Variants in PIEZO1 observed in about 807,000 individuals in gnomAD.
PIEZO1 encodes the protein piezo-type mechanosensitive ion channel component 1.
PIEZO1 carries 296 observed loss-of-function variants against 297.2 expected under a neutral mutation model. That is an observed-to-expected ratio of 1.00 (90% CI 0.91 to 1.10). PIEZO1 has a LOEUF of 1.10. Among genes scored for constraint, PIEZO1 ranks in the 50% least tolerant of loss-of-function variants. PIEZO1 has a pLI of 0.00. For missense variants in PIEZO1, 5,018 were observed against 3,455.5 expected (o/e 1.45, Z -11.34); for synonymous variants, 2,427 against 1,507.5 (o/e 1.61, Z -14.13).
At chr16:88,735,284 C>G in intron 12 of PIEZO1, 38 bp from the exon 13 acceptor site, 2 of 1,410,724 alleles carry the variant, frequency 1.4e-6, no homozygotes, top group Non-Finnish European at 2.0e-6. Flanking sequence ...AGCCGGGGGG[C>G]CCAGCACCCC....
In PIEZO1 at chr16:88,717,107, G is replaced by T. The variant is rs139674798; in HGVS notation, c.6576C>A (p.Leu2192=). 224 of 1,551,398 alleles carry T rather than the reference G, an allele frequency of 1.4e-4. 1 individual carries two copies. The East Asian group carries it at 5.5e-3, about 38-fold the overall frequency. Residue 2192 remains leucine, a synonymous_variant, in exon 45 of 51, where the codon CTC becomes CTA. Coordinates refer to ENST00000301015, the MANE Select transcript of PIEZO1 (RefSeq NM_001142864.4). Reference sequence around the variant, plus strand: ...CCACGGAGCGCACCAGCGACATGAAGAGCAGTGGGAACCAGATGATGGCGA... The same window carrying T: ...CCACGGAGCGCACCAGCGACATGAATAGCAGTGGGAACCAGATGATGGCGA... ...FLIAIIWFPL[L]FMSLVRSVVG...
Position 88,733,644 on chromosome 16 carries a change from C to G in PIEZO1, c.2431G>C (p.Glu811Gln). 2.6e-6 allele frequency: 4 copies of G among 1,549,740 alleles called. No individual in the cohort carries two copies. The highest frequency in any genetic ancestry group is 3.5e-6 in the Non-Finnish European group (4 of 1,146,548). ...GCCACCAGCTTGAAAACGTGAAGCTCCAGCAGCCGCCGCAGGAACACCTGC... is the reference window on the plus strand; with the variant it reads ...GCCACCAGCTTGAAAACGTGAAGCTGCAGCAGCCGCCGCAGGAACACCTGC... ...RVQVFLRRLL[E>Q]LHVFKLVALY... Residue 811 changes from glutamate to glutamine, a missense_variant, in exon 18 of 51, where the codon GAG becomes CAG. Glu to Gln is a conservative substitution (Grantham distance 29). Transcript: ENST00000301015.
At position 88,736,857 on chromosome 16, in the gene PIEZO1, G is replaced by A. The variant is rs897158170; in HGVS notation, c.1196-118C>T. ...ACAGCAGGAGAGACAGGCCCCCGGT[G>A]GGCTATGGGCAGAACACGAGGGCTC... On this transcript the variant is annotated intron_variant, in intron 10 of 50. Coordinates refer to ENST00000301015, the MANE Select transcript of PIEZO1 (RefSeq NM_001142864.4). The A allele has an allele frequency of 1.4e-4, 87 of 615,624 alleles. No individual in the cohort carries two copies. In the African/African-American group the frequency reaches 1.6e-3, roughly 12 times the overall value. 38.1% of individuals were successfully genotyped at this position (615,624 alleles called of 1,614,324 possible). A position where few individuals can be genotyped will look rare whatever the true frequency, so the allele number is the denominator to read the frequency against.
At chr16:88,736,457 C>G (rs546574524) in intron 11 of PIEZO1, 49 bp from the exon 12 acceptor site, 1 of 1,428,988 alleles carries the variant, frequency 7.0e-7, no homozygotes, top group Non-Finnish European at 9.5e-7. Flanking sequence ...CCCACCCAGG[C>G]GATGCCCCAC....
chr16:88,783,203 G>A (rs895571582), intron 1 of PIEZO1, among the ~76,000 whole-genome samples: 3 of 152,108 alleles, frequency 2.0e-5, no homozygotes, highest in African/African-American at 7.2e-5. Context: ...GATAGCAATC[G>A]AGAAGGCAGA....
At chr16:88,739,911 G>A (rs1257591586) in intron 5 of PIEZO1, 1 of 152,460 alleles carries the variant, frequency 6.6e-6, no homozygotes, top group African/African-American at 2.4e-5. Context: ...GCATTTCTGG[G>A]AGTGGAAAGA....
intron 29 of PIEZO1, 42 bp from the exon 30 acceptor site, chr16:88,725,122 C>T: frequency 7.2e-7 from 1 of 1,391,046 alleles, no homozygotes; most frequent in South Asian, 1.4e-5. Flanking sequence ...AGTCAAGCCA[C>T]CAGGAGGGGT....
chr16:88,722,734 C>T (rs1388922417), intron 34 of PIEZO1, 45 bp from the exon 35 acceptor site: 2 of 1,530,814 alleles, frequency 1.3e-6, no homozygotes, highest in South Asian at 1.2e-5. Flanking sequence ...CAGCTCTTGT[C>T]CCCACACGGG....
rs528711129 is a variant in PIEZO1 at position 88,767,754 on chromosome 16, C to A, written c.64+17147G>T. On this transcript the variant is annotated intron_variant, in intron 1 of 50. Coordinates refer to ENST00000301015, the MANE Select transcript of PIEZO1 (RefSeq NM_001142864.4). The stretch of plus-strand genomic sequence containing the variant: ...GAGGGGCAGAGCCAAGCCAGAACAT[C>A]TCCGCTGAGCCTTCTGCCTCAGGGT... Among the ~76,000 whole-genome samples, 6 of 152,314 alleles carry A rather than the reference C, an allele frequency of 3.9e-5. No individual in the cohort carries two copies. The East Asian group carries it at 9.6e-4, about 24-fold the overall frequency.
intron 27 of PIEZO1, chr16:88,726,009 G>A (rs1433042937): frequency 7.0e-6 from 4 of 568,588 alleles, no homozygotes; most frequent in South Asian, 6.6e-5. Flanking sequence ...CGCTGGTGGA[G>A]AAACTTAGCC....
chr16:88,747,640 A>G (rs1198974899), intron 2 of PIEZO1, among the ~76,000 whole-genome samples: 1 of 152,222 alleles, frequency 6.6e-6, no homozygotes, highest in Non-Finnish European at 1.5e-5. Context: ...AGCTGGCAGA[A>G]CGATGGACCC....
chr16:88,738,745 G>A lies in PIEZO1; in HGVS notation c.466-9C>T. On this transcript the variant is annotated splice_polypyrimidine_tract_variant and intron_variant, in intron 5 of 50. Transcript: ENST00000301015. ...TCCCTCTCATCATCATCCTGCCAAG[G>A]TCACGGACAGGGGCAAGGTCAGGTG... The A allele has an allele frequency of 6.6e-7, 1 of 1,524,956 alleles. No individual in the cohort carries two copies. Among genetic ancestry groups the A allele is most frequent in the Non-Finnish European group, 8.8e-7 (1 of 1,138,292 alleles). 94.5% of individuals were successfully genotyped at this position (1,524,956 alleles called of 1,614,324 possible). A position where few individuals can be genotyped will look rare whatever the true frequency, so the allele number is the denominator to read the frequency against.
At position 88,720,111 on chromosome 16, in the gene PIEZO1, A is replaced by G; in HGVS notation, c.6122T>C (p.Ile2041Thr). The G allele has an allele frequency of 1.3e-6, 2 of 1,550,378 alleles. No homozygotes were observed. The highest frequency in any genetic ancestry group is 8.7e-7 in the Non-Finnish European group (1 of 1,146,994). The change falls in exon 42 of 51, where the codon ATC (isoleucine) becomes ACC (threonine). Residue 2041 changes from isoleucine to threonine, a missense_variant. Physicochemically the swap from Ile to Thr is moderately conservative, Grantham distance 89. Transcript: ENST00000301015. Reference sequence around the variant, plus strand: ...CAGGATGAAGAACATCCATAGGTGGATGGCCAGCACCAGCGCCACCTGGAA... The same window carrying G: ...CAGGATGAAGAACATCCATAGGTGGGTGGCCAGCACCAGCGCCACCTGGAA... ...LAFQVALVLA[I>T]HLWMFFILPA...
rs1357808025 is a variant in PIEZO1 at position 88,716,124 on chromosome 16, G to T, written c.7130-5C>A. 3 of 1,539,826 alleles carry T rather than the reference G, an allele frequency of 1.9e-6. No homozygotes were observed. Among genetic ancestry groups the T allele is most frequent in the Admixed American group, 4.0e-5 (2 of 50,496 alleles). On this transcript the variant is annotated splice_polypyrimidine_tract_variant and splice_region_variant and intron_variant, in intron 49 of 50. Coordinates refer to ENST00000301015, the MANE Select transcript of PIEZO1 (RefSeq NM_001142864.4). The stretch of plus-strand genomic sequence containing the variant: ...CGAGGTAGTCGGCCTCCTCATCTGG[G>T]ATGGAGGGAGAAGATCGTTGAGGCC...
Position 88,715,511 on chromosome 16 carries a change from G to A in PIEZO1, c.*94C>T. 3.1e-6 allele frequency: 4 copies of A among 1,303,506 alleles called. No individual in the cohort carries two copies. The highest frequency in any genetic ancestry group is 2.6e-4 in the Middle Eastern group (1 of 3,896). 80.7% of individuals were successfully genotyped at this position (1,303,506 alleles called of 1,614,324 possible). A position where few individuals can be genotyped will look rare whatever the true frequency, so the allele number is the denominator to read the frequency against. On this transcript the variant is annotated 3_prime_UTR_variant, in exon 51 of 51. Transcript: ENST00000301015. Reference sequence around the variant, plus strand: ...GCATCACAGCTGGCGGCCTTGGACGGGGCAGTGGCTCCCCCGGCCTGAGGA... The same window carrying A: ...GCATCACAGCTGGCGGCCTTGGACGAGGCAGTGGCTCCCCCGGCCTGAGGA...
intron 4 of PIEZO1, 73 bp from the exon 5 acceptor site, chr16:88,741,689 G>C (rs1165679567): frequency 8.1e-6 from 11 of 1,354,096 alleles, no homozygotes; most frequent in Non-Finnish European, 1.1e-5. Flanking sequence ...TGGGTCTCCA[G>C]GTGCGGGTGG....
intron 1 of PIEZO1, among the ~76,000 whole-genome samples, chr16:88,776,398 C>T (rs1157823477): frequency 6.6e-6 from 1 of 151,906 alleles, no homozygotes; most frequent in Admixed American, 6.6e-5. Flanking sequence ...TGGGCCACTG[C>T]ACTCCAGCCA....
intron 27 of PIEZO1, 105 bp from the exon 28 acceptor site, chr16:88,725,789 C>T: frequency 1.5e-6 from 1 of 673,098 alleles, no homozygotes; most frequent in South Asian, 1.8e-5. Context: ...CTGCTCCTCT[C>T]TGCCCACGCT....
intron 1 of PIEZO1, among the ~76,000 whole-genome samples, chr16:88,774,850 C>T (rs534511941): frequency 4.4e-4 from 67 of 152,206 alleles, no homozygotes; most frequent in Non-Finnish European, 8.1e-4. Context: ...AGCACAGCCT[C>T]CTGGGCGCTG....
Sources: allele counts gnomAD v4.1 joint callset (sites outside exome capture counted in the v4.1 genomes callset), GRCh38; gene constraint gnomAD v4.1.1; transcripts MANE v1.5; gene names NCBI Gene and HGNC (gene_info 2026-07-23, HGNC 2026-07-21).